The following CCPG1 variants were observed in gnomAD, a reference collection of about 807,000 sequenced individuals.
CCPG1 encodes cell cycle progression protein 1.
Under a neutral mutation model 81.3 loss-of-function variants are expected in CCPG1, and 46 were observed. That is an observed-to-expected ratio of 0.57 (90% CI 0.45 to 0.72). The LOEUF is 0.72. CCPG1 is among the 30% of genes least tolerant of loss of function. CCPG1 has a pLI of 0.00. For synonymous variants in CCPG1, 330 were observed against 305.2 expected (o/e 1.08, Z -0.85); for missense variants, 902 against 937.6 (o/e 0.96, Z 0.50).
intron 3 of CCPG1, among the ~76,000 whole-genome samples, chr15:55,379,854 T>C (rs994744055): frequency 6.6e-6 from 1 of 151,976 alleles, no homozygotes; most frequent in African/African-American, 2.4e-5. Flanking sequence ...ATCCCAGCAG[T>C]TTGGGAGGCC....
intron 3 of CCPG1, 100 bp downstream of exon 3, chr15:55,385,500 A>C: frequency 1.7e-6 from 1 of 596,714 alleles, no homozygotes; most frequent in South Asian, 2.1e-5. Context: ...ACGACCCCTT[A>C]GATTAGCCAG....
intron 2 of CCPG1, among the ~76,000 whole-genome samples, chr15:55,386,545 A>C (rs144622015): frequency 0.011 from 1,666 of 152,302 alleles, 14 homozygotes; most frequent in Non-Finnish European, 0.014. Flanking sequence ...TGGAATCGAA[A>C]GGTCTGCATT....
intron 1 of CCPG1, among the ~76,000 whole-genome samples, chr15:55,395,104 G>A (rs1247361466): frequency 6.6e-6 from 1 of 152,070 alleles, no homozygotes; most frequent in Non-Finnish European, 1.5e-5. Flanking sequence ...TTGGCTTTCT[G>A]TGCGGCAAGC....
chr15:55,386,960 A>G (rs2056812775), intron 2 of CCPG1, among the ~76,000 whole-genome samples: 1 of 152,082 alleles, frequency 6.6e-6, no homozygotes, highest in Admixed American at 6.6e-5. Flanking sequence ...TTCGGAATGC[A>G]AGACTCCGAG....
intron 4 of CCPG1, 41 bp downstream of exon 4, chr15:55,378,259 T>C (rs543044501): frequency 2.5e-6 from 3 of 1,181,060 alleles, no homozygotes; most frequent in African/African-American, 3.1e-5. Flanking sequence ...ATTCTAAGGA[T>C]ACTATTTAAC....
intron 3 of CCPG1, among the ~76,000 whole-genome samples, chr15:55,384,463 C>G (rs951393336): frequency 6.6e-6 from 1 of 152,128 alleles, no homozygotes; most frequent in Non-Finnish European, 1.5e-5. Flanking sequence ...AGTTCGAGAC[C>G]AGGCTAACCA....
chr15:55,378,026 A>G (rs2056602433), intron 4 of CCPG1, among the ~76,000 whole-genome samples: 1 of 152,188 alleles, frequency 6.6e-6, no homozygotes. Flanking sequence ...ATGAACCACC[A>G]TTTTAGACAT....
At chr15:55,357,379 T>C in intron 8 of CCPG1, 1 of 985,454 alleles carries the variant, frequency 1.0e-6, no homozygotes, top group Non-Finnish European at 1.2e-6. Context: ...GTTCATCAGC[T>C]CATGTCTGTA....
chr15:55,406,428 CTTTT>C (rs1175820443), intron 1 of CCPG1, among the ~76,000 whole-genome samples: 3 of 127,368 alleles, frequency 2.4e-5, no homozygotes, highest in African/African-American at 5.6e-5. Flanking sequence ...TCTTTTCTTT[CTTTT>C]TCTCTTTTTT....
intron 5 of CCPG1, 107 bp downstream of exon 5, chr15:55,376,842 C>T: frequency 1.3e-6 from 1 of 785,512 alleles, no homozygotes; most frequent in Non-Finnish European, 2.0e-6. Context: ...TTGAGTTTTA[C>T]CCAAACATAT....
intron 2 of CCPG1, among the ~76,000 whole-genome samples, chr15:55,386,058 C>A (rs1004533329): frequency 6.6e-6 from 1 of 152,114 alleles, no homozygotes; most frequent in Admixed American, 6.6e-5. Context: ...TGGAACTACT[C>A]TAGACAAGGC....
rs948310191 is a variant in CCPG1 at position 55,383,337 on chromosome 15, C to T, written c.175+2263G>A. ...CATGTTGTAAACACATGGCTGTCAC[C>T]TAGGCTTTGTTGTTCCATTTACAGA... On this transcript the variant is annotated intron_variant, in intron 3 of 8. Transcript: ENST00000442196. Among the ~76,000 whole-genome samples, 14 of 152,272 alleles carry T rather than the reference C, an allele frequency of 9.2e-5. 1 individual carries two copies. Among genetic ancestry groups the T allele is most frequent in the Admixed American group, 7.2e-4 (11 of 15,286 alleles).
At position 55,367,506 on chromosome 15, in the gene CCPG1, T is replaced by G. The variant is rs1185899857; in HGVS notation, c.707-2197A>C. ...TGCCTATTTTACCATGTTGCAGCGC[T>G]GTCAGATTTTGCTATCACTCCTATT... On this transcript the variant is annotated intron_variant, in intron 6 of 8. Coordinates refer to ENST00000442196, the MANE Select transcript of CCPG1 (RefSeq NM_001204450.2). Among the ~76,000 whole-genome samples, 4 of 152,168 alleles carry G rather than the reference T, an allele frequency of 2.6e-5. No individual in the cohort carries two copies. The East Asian group carries it at 7.7e-4, about 29-fold the overall frequency.
rs1329217580 is a variant in CCPG1, at chr15:55,359,114, T to A, written c.2234+425A>T. 5.1e-6 allele frequency: 5 copies of A among 983,274 alleles called. No homozygotes were observed. The African/African-American group carries it at 8.7e-5, about 17-fold the overall frequency. 60.9% of individuals were successfully genotyped at this position (983,274 alleles called of 1,614,324 possible). On this transcript the variant is annotated intron_variant, in intron 8 of 8. Transcript: ENST00000442196. ...AAAATAGGTGGGACATTAGAATTAT[T>A]ATATATGAGCTCTTCTGACTTCAGA...
rs1368956634 is a variant in CCPG1 at position 55,389,440 on chromosome 15, A to G, written c.-9-7T>C. 6.3e-7 allele frequency: 1 copy of G among 1,588,018 alleles called. No homozygotes were observed. Among genetic ancestry groups the G allele is most frequent in the Admixed American group, 1.7e-5 (1 of 59,970 alleles). On this transcript the variant is annotated splice_region_variant and splice_polypyrimidine_tract_variant and intron_variant, in intron 1 of 8. Transcript: ENST00000442196. ...TTTCAGACATCTTTCAGGTCTACAAATACAAAAACATATTGACTCATGAGA... is the reference window on the plus strand; with the variant it reads ...TTTCAGACATCTTTCAGGTCTACAAGTACAAAAACATATTGACTCATGAGA...
intron 7 of CCPG1, among the ~76,000 whole-genome samples, chr15:55,363,687 T>A (rs1482317225): frequency 6.6e-6 from 1 of 150,526 alleles, no homozygotes; most frequent in Admixed American, 6.6e-5. Flanking sequence ...AAAGTAGTAT[T>A]TTTGTCTTTT....
chr15:55,366,115 A>G (rs2056322051), intron 6 of CCPG1, among the ~76,000 whole-genome samples: 1 of 152,130 alleles, frequency 6.6e-6, no homozygotes, highest in Non-Finnish European at 1.5e-5. Context: ...TAAAACACAC[A>G]GGCCAGCCCA....
At chr15:55,400,365 AG>A (rs1367203345) in intron 1 of CCPG1, among the ~76,000 whole-genome samples, 1 of 151,560 alleles carries the variant, frequency 6.6e-6, no homozygotes, top group Admixed American at 6.6e-5. Flanking sequence ...AAAATTAGCC[AG>A]GCATGATGGT....
At chr15:55,406,250 C>A (rs1287722213) in intron 1 of CCPG1, among the ~76,000 whole-genome samples, 2 of 146,226 alleles carry the variant, frequency 1.4e-5, no homozygotes, top group Non-Finnish European at 3.0e-5. Context: ...GTGGGGCTTT[C>A]CACTAGAAAG....
Sources: gnomAD v4.1 joint callset for allele counts (sites outside exome capture counted in the v4.1 genomes callset) on GRCh38, gnomAD v4.1.1 for gene constraint, MANE v1.5 for transcripts, NCBI Gene and HGNC (gene_info 2026-07-23, HGNC 2026-07-21) for gene names.